The following THNSL1 variants were observed in gnomAD, a reference collection of about 807,000 sequenced individuals.
The protein encoded by THNSL1 is threonine synthase-like 1.
A neutral mutation model predicts 50.4 loss-of-function variants in THNSL1; 48 were observed. The observed-to-expected ratio is 0.95, with a 90% CI of 0.76 to 1.21. THNSL1 has a LOEUF of 1.21. Ranked by LOEUF, THNSL1 falls within the 50% of genes most tolerant of loss-of-function variation. THNSL1 has a pLI of 0.00. For missense variants in THNSL1, 896 were observed against 871.7 expected, an observed-to-expected ratio of 1.03 and a Z score of -0.35; for synonymous variants, 309 against 306.1, an observed-to-expected ratio of 1.01 and a Z score of -0.10.
Position 25,023,394 on chromosome 10 carries a change from T to C in THNSL1, c.171T>C (p.Asn57=). Residue 57 remains asparagine, a synonymous_variant, in exon 3 of 3, where the codon AAT becomes AAC. Transcript: ENST00000376356. ...CCCACTCTCTTGTTGGAGACAAAAA[T>C]ATTATCCTGATGGGACCTCCTGGTG... ...YSTHSLVGDK[N]IILMGPPGAG... is the part of the protein sequence containing the mutation. The C allele has an allele frequency of 6.2e-7, 1 of 1,614,126 alleles. No individual in the cohort carries two copies. The highest frequency in any genetic ancestry group is 8.5e-7 in the Non-Finnish European group (1 of 1,179,992).
At chr10:24,977,051 A>G in the THNSL1 span, among the ~76,000 whole-genome samples, 1 of 152,158 alleles carries the variant, frequency 6.6e-6, no homozygotes. Context: ...CAATGAAAGC[A>G]TTGCTTTCTT....
At chr10:24,990,489 C>T in the THNSL1 span, 89 of 1,613,212 alleles carry the variant, frequency 5.5e-5, no homozygotes, top group Admixed American at 1.5e-4. Flanking sequence ...CTTTCTTCAT[C>T]GGAGAGCCTT....
chr10:24,990,591 C>T, the THNSL1 span: 1 of 1,602,796 alleles, frequency 6.2e-7, no homozygotes, highest in Non-Finnish European at 8.5e-7. Context: ...CATATGTATT[C>T]AGGTGTGACA....
chr10:25,018,759 C>T (rs1325388977), intron 1 of THNSL1, among the ~76,000 whole-genome samples: 1 of 148,026 alleles, frequency 6.8e-6, no homozygotes, highest in African/African-American at 2.5e-5. Context: ...GTAAATAAAC[C>T]CTTTATAAAG....
the THNSL1 span, among the ~76,000 whole-genome samples, chr10:24,965,405 A>G: frequency 6.6e-6 from 1 of 152,152 alleles, no homozygotes; most frequent in South Asian, 2.1e-4. Context: ...TGACTTGCCC[A>G]GCCCTGATTC....
the THNSL1 span, among the ~76,000 whole-genome samples, chr10:25,005,257 T>A: frequency 6.6e-6 from 1 of 152,202 alleles, no homozygotes; most frequent in African/African-American, 2.4e-5. Flanking sequence ...AAAGATAAGT[T>A]ATTCTCAAAC....
chr10:24,971,353 T>C, the THNSL1 span, among the ~76,000 whole-genome samples: 3 of 151,964 alleles, frequency 2.0e-5, no homozygotes, highest in African/African-American at 4.8e-5. Flanking sequence ...AATCCTTCCA[T>C]CTAGGCTTCC....
At chr10:24,962,540 T>C in the THNSL1 span, among the ~76,000 whole-genome samples, 4 of 152,230 alleles carry the variant, frequency 2.6e-5, no homozygotes, top group African/African-American at 9.6e-5. Flanking sequence ...ATGGATCGAA[T>C]TTTAAAAATC....
At chr10:25,020,274 C>CTATATA (rs370068893) in intron 1 of THNSL1, among the ~76,000 whole-genome samples, 3 of 97,368 alleles carry the variant, frequency 3.1e-5, no homozygotes, top group Non-Finnish European at 4.9e-5. Flanking sequence ...ATATCTATAT[C>CTATATA]TATATATATC....
the THNSL1 span, among the ~76,000 whole-genome samples, chr10:24,988,258 A>ATATATT: frequency 2.1e-5 from 3 of 140,438 alleles, no homozygotes; most frequent in African/African-American, 8.5e-5. Flanking sequence ...ATATGTGTAT[A>ATATATT]TATATATTTA....
chr10:24,986,436 C>T, the THNSL1 span, among the ~76,000 whole-genome samples: 1 of 152,150 alleles, frequency 6.6e-6, no homozygotes, highest in Non-Finnish European at 1.5e-5. Flanking sequence ...GGAGGCTACA[C>T]AGTTCTTGAC....
At chr10:24,976,749 C>T in the THNSL1 span, among the ~76,000 whole-genome samples, 28 of 152,112 alleles carry the variant, frequency 1.8e-4, 2 homozygotes, top group Admixed American at 1.8e-3. Context: ...CTGCCTCGGC[C>T]TCCCAAAGTG....
intron 1 of THNSL1, 40 bp from the exon 2 acceptor site, chr10:25,021,702 C>G (rs1850722663): frequency 6.6e-6 from 1 of 152,110 alleles, no homozygotes; most frequent in South Asian, 2.1e-4. Context: ...TTATGATACT[C>G]TATACAGTTA....
chr10:24,977,318 AT>A, the THNSL1 span, among the ~76,000 whole-genome samples: 1 of 152,240 alleles, frequency 6.6e-6, no homozygotes, highest in Non-Finnish European at 1.5e-5. Context: ...GAAGTTGGTC[AT>A]AGTGGTTGCT....
At chr10:24,962,994 T>C in the THNSL1 span, among the ~76,000 whole-genome samples, 1 of 152,224 alleles carries the variant, frequency 6.6e-6, no homozygotes, top group Middle Eastern at 3.4e-3. Flanking sequence ...CTAGTTTGCA[T>C]GGTAAGGCCA....
chr10:24,963,744 C>T, the THNSL1 span, among the ~76,000 whole-genome samples: 3 of 152,076 alleles, frequency 2.0e-5, no homozygotes, highest in Non-Finnish European at 4.4e-5. Flanking sequence ...CCCAAAAGCC[C>T]GTTTGCTTTT....
At chr10:25,022,528 T>C (rs898878666) in intron 2 of THNSL1, among the ~76,000 whole-genome samples, 4 of 152,240 alleles carry the variant, frequency 2.6e-5, no homozygotes, top group Non-Finnish European at 1.5e-5. Flanking sequence ...ACAATGATTC[T>C]TAATATGCGT....
chr10:25,015,947 T>A, upstream of THNSL1: 1 of 1,604,360 alleles, frequency 6.2e-7, no homozygotes, highest in African/African-American at 1.3e-5. Context: ...GGCCACCAAA[T>A]GACTCCTTAA....
At chr10:24,997,959 CAT>C in the THNSL1 span, among the ~76,000 whole-genome samples, 1 of 152,050 alleles carries the variant, frequency 6.6e-6, no homozygotes, top group African/African-American at 2.4e-5. Flanking sequence ...TATTGTTGGT[CAT>C]AGAATGCTGG....
Sources: gnomAD v4.1 joint callset for allele counts (sites outside exome capture counted in the v4.1 genomes callset) on GRCh38, gnomAD v4.1.1 for gene constraint, MANE v1.5 for transcripts, NCBI Gene and HGNC (gene_info 2026-07-23, HGNC 2026-07-21) for gene names.